The following ATP10B variants were observed in gnomAD, a reference collection of about 807,000 sequenced individuals.
ATP10B encodes the protein phospholipid-transporting ATPase VB.
Under a neutral mutation model 141.2 loss-of-function variants are expected in ATP10B, and 122 were observed. That is an observed-to-expected ratio of 0.86 (90% CI 0.75 to 1.00). The LOEUF (loss-of-function observed/expected upper bound fraction) is 1.00. Among genes scored for constraint, ATP10B ranks in the 50% least tolerant of loss-of-function variants. The pLI is 0.00. For synonymous variants in ATP10B, 685 were observed against 692.0 expected, an observed-to-expected ratio of 0.99 and a Z score of 0.16; for missense variants, 1,876 against 1,825.3, an observed-to-expected ratio of 1.03 and a Z score of -0.51.
intron 12 of ATP10B, chr5:160,632,620 GTTT>G (rs34556097): frequency 0.068 from 8,789 of 128,544 alleles, 205 homozygotes; most frequent in African/African-American, 0.13. Flanking sequence ...TTCCTCAGAG[GTTT>G]TTTTTTTTTT....
At chr5:160,711,795 CTAAT>C (rs1412816794) in intron 3 of ATP10B, among the ~76,000 whole-genome samples, 1 of 56,604 alleles carries the variant, frequency 1.8e-5, no homozygotes, top group Non-Finnish European at 3.5e-5. Context: ...CCATCAATAC[CTAAT>C]TTATTGAGAG....
At chr5:160,873,388 T>C in the ATP10B span, among the ~76,000 whole-genome samples, 1 of 152,198 alleles carries the variant, frequency 6.6e-6, no homozygotes, top group South Asian at 2.1e-4. Context: ...GTAGAAGTCC[T>C]AGCTAATGCA....
intron 23 of ATP10B, among the ~76,000 whole-genome samples, chr5:160,590,339 A>T (rs1756201474): frequency 6.6e-6 from 1 of 152,136 alleles, no homozygotes; most frequent in Admixed American, 6.5e-5. Flanking sequence ...AGCAAAACAC[A>T]AGATCCCTGC....
rs1471541089 is a variant in ATP10B, at chr5:160,564,545, A to G, written c.*908T>C. On this transcript the variant is annotated 3_prime_UTR_variant, in exon 26 of 26. Transcript: ENST00000327245. ...CATTGTTTAAGCTCAGGGTTGCCCTATCATATGGGCCTATTCTGGGTGCAG... is the reference window on the plus strand; with the variant it reads ...CATTGTTTAAGCTCAGGGTTGCCCTGTCATATGGGCCTATTCTGGGTGCAG... 1 of 152,178 alleles carries G rather than the reference A, an allele frequency of 6.6e-6. No individual in the cohort carries two copies. Among genetic ancestry groups the G allele is most frequent in the African/African-American group, 2.4e-5 (1 of 41,446 alleles). 9.4% of individuals were successfully genotyped at this position (152,178 alleles called of 1,614,324 possible).
In ATP10B at chr5:160,849,419, A is replaced by G. The variant is rs561540188; in HGVS notation, c.-576+2522T>C. Reference sequence around the variant, plus strand: ...GCTAACTATCTGCAAGGCTCCCTGCATTGGCAACAGCAGCCAGTGATCACT... The same window carrying G: ...GCTAACTATCTGCAAGGCTCCCTGCGTTGGCAACAGCAGCCAGTGATCACT... On this transcript the variant is annotated intron_variant, in intron 1 of 25. Coordinates refer to ENST00000327245, the MANE Select transcript of ATP10B (RefSeq NM_025153.3). Among the ~76,000 whole-genome samples the G allele has an allele frequency of 7.9e-5, 12 of 152,344 alleles. No individual in the cohort carries two copies. In the South Asian group the frequency reaches 2.3e-3, roughly 29 times the overall value.
intron 6 of ATP10B, among the ~76,000 whole-genome samples, chr5:160,681,373 C>T (rs544665306): frequency 4.6e-5 from 7 of 152,334 alleles, no homozygotes; most frequent in African/African-American, 1.7e-4. Flanking sequence ...AATGACTTTC[C>T]TAAGCTATTA....
At chr5:160,672,085 T>G (rs1762745559) in intron 6 of ATP10B, among the ~76,000 whole-genome samples, 2 of 145,714 alleles carry the variant, frequency 1.4e-5, no homozygotes, top group Admixed American at 7.1e-5. Context: ...CAAGTGATCC[T>G]CCTTCCTCAG....
Position 160,632,304 on chromosome 5 carries a change from C to T in ATP10B, c.1445G>A (p.Cys482Tyr). Residue 482 changes from cysteine to tyrosine, a missense_variant, in exon 13 of 26, where the codon TGC becomes TAC. Coordinates refer to ENST00000327245, the MANE Select transcript of ATP10B (RefSeq NM_025153.3). ...SDGEEWTQYQ[C>Y]LSFSARWAQD... ...GGCCCATCTAGCCGAGAAGGACAGG[C>T]ATTGGTATTGGGTCCACTCTTCACC... 1.9e-6 allele frequency: 3 copies of T among 1,614,200 alleles called. No homozygotes were observed. The highest frequency in any genetic ancestry group is 2.5e-6 in the Non-Finnish European group (3 of 1,180,030).
chr5:160,695,357 G>C (rs571255011), intron 3 of ATP10B, among the ~76,000 whole-genome samples: 23 of 139,668 alleles, frequency 1.6e-4, no homozygotes, highest in African/African-American at 6.1e-4. Flanking sequence ...TACCACAAAA[G>C]AGAGAGGGTG....
chr5:160,812,603 T>A (rs922875773), intron 1 of ATP10B, among the ~76,000 whole-genome samples: 2 of 152,140 alleles, frequency 1.3e-5, no homozygotes, highest in African/African-American at 4.8e-5. Flanking sequence ...AAAAATGCAA[T>A]TGACATACTG....
intron 15 of ATP10B, among the ~76,000 whole-genome samples, chr5:160,618,702 T>C (rs1758162759): frequency 6.6e-6 from 1 of 152,234 alleles, no homozygotes; most frequent in African/African-American, 2.4e-5. Context: ...AGTTCCTTTA[T>C]CTAATTCTAT....
In ATP10B at chr5:160,634,479, T is replaced by C; in HGVS notation, c.1256A>G (p.Asn419Ser). 6.2e-7 allele frequency: 1 copy of C among 1,614,182 alleles called. No individual in the cohort carries two copies. The highest frequency in any genetic ancestry group is 8.5e-7 in the Non-Finnish European group (1 of 1,180,012). ...TDLSIQCRAL[N>S]IAEDLGQIQY... is the part of the protein sequence containing the mutation. The stretch of plus-strand genomic sequence containing the variant: ...GATCTGGCCCAAGTCCTCTGCGATG[T>C]TGAGGGCTCGACATTGAATGGATAA... The change falls in exon 12 of 26, where the codon AAC becomes AGC. Residue 419 changes from asparagine (N) to serine (S), a missense_variant. Coordinates refer to ENST00000327245, the MANE Select transcript of ATP10B (RefSeq NM_025153.3).
the ATP10B span, among the ~76,000 whole-genome samples, chr5:160,902,950 C>T: frequency 3.9e-5 from 6 of 152,144 alleles, no homozygotes; most frequent in African/African-American, 7.2e-5. Context: ...TGTGTTTGAA[C>T]GGGTGCACGT....
intron 2 of ATP10B, among the ~76,000 whole-genome samples, chr5:160,754,590 T>G (rs1265888563): frequency 6.6e-6 from 1 of 152,166 alleles, no homozygotes; most frequent in East Asian, 1.9e-4. Flanking sequence ...TGTAACTCAA[T>G]CCATACTTAA....
At chr5:160,702,465 C>G (rs943166958) in intron 3 of ATP10B, among the ~76,000 whole-genome samples, 1 of 152,174 alleles carries the variant, frequency 6.6e-6, no homozygotes, top group Non-Finnish European at 1.5e-5. Flanking sequence ...ATAAATGACA[C>G]TTATTCATGT....
At chr5:160,785,211 AC>A (rs1428441865) in intron 2 of ATP10B, among the ~76,000 whole-genome samples, 1 of 152,008 alleles carries the variant, frequency 6.6e-6, no homozygotes, top group Admixed American at 6.6e-5. Flanking sequence ...AGGGCCAACA[AC>A]TTTTTTCTTG....
At chr5:160,888,202 T>G in the ATP10B span, among the ~76,000 whole-genome samples, 4 of 152,162 alleles carry the variant, frequency 2.6e-5, no homozygotes, top group African/African-American at 9.7e-5. Context: ...CATAAATATG[T>G]GAGAAGTGAT....
At chr5:160,879,398 AG>A in the ATP10B span, among the ~76,000 whole-genome samples, 1 of 95,888 alleles carries the variant, frequency 1.0e-5, no homozygotes, top group Non-Finnish European at 2.0e-5. Flanking sequence ...GGGTGGGGGG[AG>A]GGGGGAGGGA....
At chr5:160,764,794 T>A (rs966949362) in intron 2 of ATP10B, among the ~76,000 whole-genome samples, 2 of 152,046 alleles carry the variant, frequency 1.3e-5, no homozygotes, top group African/African-American at 4.8e-5. Flanking sequence ...GCTGATATAA[T>A]CACATACCTA....
Sources: allele counts gnomAD v4.1 joint callset (sites outside exome capture counted in the v4.1 genomes callset), GRCh38; gene constraint gnomAD v4.1.1; transcripts MANE v1.5; gene names NCBI Gene and HGNC (gene_info 2026-07-23, HGNC 2026-07-21).